HIVEP3: variants seen among roughly 807,000 people sequenced by gnomAD.
HIVEP3 encodes the protein HIVEP zinc finger 3.
HIVEP3 carries 49 observed loss-of-function variants against 152.8 expected under a neutral mutation model. The observed-to-expected ratio is 0.32, with a 90% CI of 0.26 to 0.41. HIVEP3 has a LOEUF of 0.41. HIVEP3 is among the 10% of genes least tolerant of loss of function. HIVEP3 has a pLI of 1.00. For synonymous variants in HIVEP3, 1,269 were observed against 1,289.0 expected (o/e 0.98, Z 0.33); for missense variants, 2,790 against 3,103.3 (o/e 0.90, Z 2.40).
At chr1:41,965,896 C>T (rs1316764660) in intron 1 of HIVEP3, among the ~76,000 whole-genome samples, 3 of 152,112 alleles carry the variant, frequency 2.0e-5, no homozygotes, top group Admixed American at 6.5e-5. Context: ...TAAAATACTC[C>T]ATGAGAAGAT....
At chr1:41,856,553 C>T (rs369822204) in intron 1 of HIVEP3, among the ~76,000 whole-genome samples, 4 of 152,178 alleles carry the variant, frequency 2.6e-5, no homozygotes, top group South Asian at 2.1e-4. Flanking sequence ...AGCGGGCGTT[C>T]GCACATGCAC....
intron 1 of HIVEP3, among the ~76,000 whole-genome samples, chr1:41,821,301 T>C (rs532744435): frequency 7.9e-5 from 12 of 152,232 alleles, no homozygotes; most frequent in Admixed American, 6.5e-5. Flanking sequence ...CCCATCTGAC[T>C]TGGCATAATC....
intron 2 of HIVEP3, among the ~76,000 whole-genome samples, chr1:41,692,506 C>T (rs1191765122): frequency 1.3e-5 from 2 of 152,158 alleles, no homozygotes; most frequent in African/African-American, 4.8e-5. Context: ...CAGAAATACA[C>T]ATAACACAAG....
chr1:41,629,040 A>AC, intron 2 of HIVEP3, 93 bp from the exon 3 acceptor site: 1 of 961,116 alleles, frequency 1.0e-6, no homozygotes, highest in Non-Finnish European at 1.3e-6. Flanking sequence ...TGGAGGACAC[A>AC]CCCCCCAACT....
chr1:41,655,182 C>T (rs1645610556), intron 2 of HIVEP3, among the ~76,000 whole-genome samples: 1 of 152,054 alleles, frequency 6.6e-6, no homozygotes, highest in Non-Finnish European at 1.5e-5. Context: ...TCCACGTGCC[C>T]CATAGAGAAA....
At chr1:41,975,952 A>G (rs1645256822) in intron 1 of HIVEP3, among the ~76,000 whole-genome samples, 1 of 152,234 alleles carries the variant, frequency 6.6e-6, no homozygotes, top group Admixed American at 6.5e-5. Context: ...AAGAACACCC[A>G]GCCAGCACTT....
chr1:41,899,839 T>C (rs944732305), intron 1 of HIVEP3, among the ~76,000 whole-genome samples: 4 of 152,214 alleles, frequency 2.6e-5, no homozygotes, highest in Non-Finnish European at 4.4e-5. Flanking sequence ...GAGAATAATC[T>C]GCCCAAGATC....
chr1:41,689,100 T>C (rs1410449997), intron 2 of HIVEP3, among the ~76,000 whole-genome samples: 1 of 152,266 alleles, frequency 6.6e-6, no homozygotes, highest in Non-Finnish European at 1.5e-5. Context: ...ACCGATTCAT[T>C]TCATGAACTG....
intron 1 of HIVEP3, among the ~76,000 whole-genome samples, chr1:41,866,882 C>T (rs560036195): frequency 1.7e-4 from 26 of 152,342 alleles, no homozygotes; most frequent in Non-Finnish European, 2.8e-4. Context: ...AGCTCAATGC[C>T]CATGTCCTGA....
chr1:41,642,793 A>G (rs1240360523), intron 2 of HIVEP3, among the ~76,000 whole-genome samples: 2 of 152,176 alleles, frequency 1.3e-5, no homozygotes, highest in African/African-American at 2.4e-5. Flanking sequence ...TCTGCAGCCC[A>G]TCAGTGTCCA....
chr1:41,768,511 T>G (rs1332817023), intron 1 of HIVEP3, among the ~76,000 whole-genome samples: 1 of 152,240 alleles, frequency 6.6e-6, no homozygotes, highest in Non-Finnish European at 1.5e-5. Context: ...AGTTAGATAG[T>G]TCTACCAATC....
At chr1:41,809,949 C>A (rs549487151) in intron 1 of HIVEP3, among the ~76,000 whole-genome samples, 1 of 152,166 alleles carries the variant, frequency 6.6e-6, no homozygotes, top group Non-Finnish European at 1.5e-5. Flanking sequence ...AATATCCAAA[C>A]GACATGTCCA....
intron 2 of HIVEP3, among the ~76,000 whole-genome samples, chr1:41,694,925 C>T (rs994307457): frequency 6.6e-6 from 1 of 152,166 alleles, no homozygotes; most frequent in Non-Finnish European, 1.5e-5. Context: ...CTAAAAACCT[C>T]GCCTCTCCTA....
chr1:41,959,264 C>T (rs975777764), intron 1 of HIVEP3, among the ~76,000 whole-genome samples: 21 of 152,194 alleles, frequency 1.4e-4, no homozygotes, highest in African/African-American at 4.6e-4. Flanking sequence ...TTGATTTACT[C>T]CCACCCTGAA....
chr1:41,892,557 G>C (rs1644462710), intron 1 of HIVEP3, among the ~76,000 whole-genome samples: 1 of 152,204 alleles, frequency 6.6e-6, no homozygotes, highest in Admixed American at 6.5e-5. Context: ...CAGAATAAGT[G>C]CTGAGTGAGG....
intron 2 of HIVEP3, among the ~76,000 whole-genome samples, chr1:41,634,579 A>C (rs1231653045): frequency 1.3e-5 from 2 of 151,170 alleles, no homozygotes; most frequent in African/African-American, 4.8e-5. Flanking sequence ...GGATAAAAGG[A>C]AAAAAAAATC....
In HIVEP3 at chr1:41,586,393, G is replaced by A. The variant is rs1241503080; in HGVS notation, c.-521-1075C>T. ...ATGAAGATGGCTTACTGAAGGTCCC[G>A]TGTTGCTAACAGGCAGTGTTGCCAC... On this transcript the variant is annotated intron_variant, in intron 3 of 8. Transcript: ENST00000372583. Among the ~76,000 whole-genome samples, 5 of 152,212 alleles carry A rather than the reference G, an allele frequency of 3.3e-5. No individual in the cohort carries two copies. In the South Asian group the frequency reaches 6.2e-4, roughly 19 times the overall value.
At chr1:41,930,491 T>C (rs1644990948) in intron 1 of HIVEP3, among the ~76,000 whole-genome samples, 1 of 152,210 alleles carries the variant, frequency 6.6e-6, no homozygotes, top group African/African-American at 2.4e-5. Flanking sequence ...TTCCATTTTA[T>C]GGATATATCA....
At position 41,531,586 on chromosome 1, in the gene HIVEP3, G is replaced by T. The variant is rs370890118; in HGVS notation, c.5208-6676C>A. 2.5e-4 allele frequency among the ~76,000 whole-genome samples: 16 copies of T among 63,880 alleles called. 3 individuals are homozygous for T. Among genetic ancestry groups the T allele is most frequent in the South Asian group, 9.1e-4 (1 of 1,104 alleles). The allele number at this position is 63,880 out of a possible 152,430, so 41.9% of individuals were successfully genotyped here. ...TGGAAGACAGGGGAGATGGAGGACA[G>T]GAGAGATGGAGGACAGGGGAGATGG... On this transcript the variant is annotated intron_variant, in intron 5 of 8. Coordinates refer to ENST00000372583, the MANE Select transcript of HIVEP3 (RefSeq NM_024503.5).
Sources: allele counts gnomAD v4.1 joint callset (sites outside exome capture counted in the v4.1 genomes callset), GRCh38; gene constraint gnomAD v4.1.1; transcripts MANE v1.5; gene names NCBI Gene and HGNC (gene_info 2026-07-23, HGNC 2026-07-21).